The following NR3C1 variants were observed in gnomAD, a reference collection of about 807,000 sequenced individuals.
NR3C1 encodes the protein glucocorticoid receptor.
In NR3C1, 14 loss-of-function variants were observed where a neutral mutation model predicts 74.0. The ratio of observed to expected loss-of-function variants is 0.19; its 90% CI spans 0.12 to 0.30. The LOEUF is 0.30. NR3C1 is among the 10% of genes least tolerant of loss of function. The pLI is 1.00. For missense variants in NR3C1, 695 were observed against 909.8 expected, an observed-to-expected ratio of 0.76 and a Z score of 3.04; for synonymous variants, 308 against 332.5, an observed-to-expected ratio of 0.93 and a Z score of 0.80.
At chr5:143,401,483 T>G (rs1291351104) in intron 1 of NR3C1, 1 of 155,590 alleles carries the variant, frequency 6.4e-6, no homozygotes, top group Non-Finnish European at 1.4e-5. Flanking sequence ...AAAAGGCTTT[T>G]TAACCCATAC....
chr5:143,295,172 T>G, intron 7 of NR3C1: 1 of 985,132 alleles, frequency 1.0e-6, no homozygotes. Context: ...CTTCCCATGA[T>G]CAAAGATCAA....
intron 2 of NR3C1, among the ~76,000 whole-genome samples, chr5:143,321,775 C>A (rs1212028531): frequency 2.0e-5 from 3 of 152,160 alleles, no homozygotes; most frequent in Non-Finnish European, 1.5e-5. Flanking sequence ...GTTTTCCCTG[C>A]CTGAAGTGTC....
intron 2 of NR3C1, among the ~76,000 whole-genome samples, chr5:143,362,254 C>T (rs541078375): frequency 6.6e-6 from 1 of 152,260 alleles, no homozygotes; most frequent in South Asian, 2.1e-4. Flanking sequence ...ACCCAGTCCC[C>T]ATCTATCCCT....
intron 3 of NR3C1, among the ~76,000 whole-genome samples, chr5:143,311,787 C>T (rs1050906194): frequency 7.3e-6 from 1 of 136,176 alleles, no homozygotes; most frequent in Admixed American, 7.3e-5. Flanking sequence ...GCCTGGATAA[C>T]GTTTTTTTTT....
At chr5:143,296,047 G>C (rs1817098291) in intron 6 of NR3C1, among the ~76,000 whole-genome samples, 1 of 152,148 alleles carries the variant, frequency 6.6e-6, no homozygotes, top group African/African-American at 2.4e-5. Context: ...GTTATGCAGA[G>C]GGCGAGACCT....
At chr5:143,317,311 C>T (rs556155740) in intron 2 of NR3C1, among the ~76,000 whole-genome samples, 1 of 152,054 alleles carries the variant, frequency 6.6e-6, no homozygotes, top group Non-Finnish European at 1.5e-5. Context: ...CAAAAGTATA[C>T]CATAGTAAGA....
In NR3C1 at chr5:143,398,356, G is replaced by GTTT. The variant is rs35241746; in HGVS notation, c.1184+1297_1184+1299dup. On this transcript the variant is annotated intron_variant, in intron 2 of 8. Transcript: ENST00000394464. ...GACATGTAAGAACCAAGGTTTTTTG[G>GTTT]TTTTTTTTTTTTTTTTTTTGACAAC... Among the ~76,000 whole-genome samples, 115 of 85,274 alleles carry GTTT rather than the reference G, an allele frequency of 1.3e-3. 3 individuals carry two copies. The highest frequency in any genetic ancestry group is 2.8e-3 in the African/African-American group (77 of 27,450). 55.9% of individuals were successfully genotyped at this position (85,274 alleles called of 152,430 possible). A position where few individuals can be genotyped will look rare whatever the true frequency, so the allele number is the denominator to read the frequency against.
intron 2 of NR3C1, among the ~76,000 whole-genome samples, chr5:143,340,780 CA>C (rs996602721): frequency 6.6e-6 from 1 of 152,004 alleles, no homozygotes; most frequent in African/African-American, 2.4e-5. Flanking sequence ...CACACCCGGC[CA>C]AAAGGCGATA....
At chr5:143,332,740 T>A in intron 2 of NR3C1, 1 of 1,588,726 alleles carries the variant, frequency 6.3e-7, no homozygotes, top group Non-Finnish European at 8.5e-7. Context: ...GCCTTGGAAT[T>A]GCCAGATAAA....
chr5:143,369,576 A>C (rs965614975), intron 2 of NR3C1, among the ~76,000 whole-genome samples: 20 of 152,198 alleles, frequency 1.3e-4, no homozygotes, highest in Non-Finnish European at 1.5e-5. Flanking sequence ...AAAACATGTT[A>C]AGTGAAATAA....
At chr5:143,423,214 A>C (rs932013328) in intron 1 of NR3C1, among the ~76,000 whole-genome samples, 104 of 152,344 alleles carry the variant, frequency 6.8e-4, no homozygotes, top group Non-Finnish European at 1.2e-4. Context: ...AATGGAATAA[A>C]ATATCTGGAA....
chr5:143,313,436 C>T (rs548241830), intron 3 of NR3C1, among the ~76,000 whole-genome samples: 2 of 152,024 alleles, frequency 1.3e-5, no homozygotes, highest in Non-Finnish European at 2.9e-5. Context: ...ATCTCTGTAC[C>T]TTGTCATTGT....
intron 2 of NR3C1, among the ~76,000 whole-genome samples, chr5:143,383,542 T>C (rs1464454949): frequency 6.6e-6 from 1 of 152,230 alleles, no homozygotes; most frequent in Non-Finnish European, 1.5e-5. Context: ...AAGAACTGTG[T>C]GGTCTGTGGC....
chr5:143,332,416 G>A (rs1406133831), intron 2 of NR3C1, among the ~76,000 whole-genome samples: 58 of 151,034 alleles, frequency 3.8e-4, no homozygotes, highest in Admixed American at 2.5e-3. Context: ...GTTGGGTGGG[G>A]GGGCGGGACA....
intron 1 of NR3C1, among the ~76,000 whole-genome samples, chr5:143,420,890 T>A (rs1376915980): frequency 6.6e-6 from 1 of 152,156 alleles, no homozygotes; most frequent in African/African-American, 2.4e-5. Flanking sequence ...CATTTTAACA[T>A]CTCCTTTGAA....
rs1812865707 is a variant in NR3C1 at position 143,280,051 on chromosome 5, C to G, written c.*1838G>C. ...TGGGTCAGAGCCTCAGCAACCTTCA[C>G]TGCACACAGGACCAGTCTCCATCTC... On this transcript the variant is annotated 3_prime_UTR_variant, in exon 9 of 9. Coordinates refer to ENST00000394464, the MANE Select transcript of NR3C1 (RefSeq NM_000176.3). 1 of 152,598 alleles carries G rather than the reference C, an allele frequency of 6.6e-6. No homozygotes were observed. Among genetic ancestry groups the G allele is most frequent in the African/African-American group, 2.4e-5 (1 of 41,450 alleles). The allele number at this position is 152,598 out of a possible 1,614,324, so 9.5% of individuals were successfully genotyped here.
At chr5:143,399,424 C>G (rs1839829318) in intron 2 of NR3C1, among the ~76,000 whole-genome samples, 1 of 152,130 alleles carries the variant, frequency 6.6e-6, no homozygotes, top group Non-Finnish European at 1.5e-5. Context: ...AAAATCCTCA[C>G]CGTTGGCCAA....
At chr5:143,287,230 A>T (rs1814704614) in intron 7 of NR3C1, among the ~76,000 whole-genome samples, 1 of 152,114 alleles carries the variant, frequency 6.6e-6, no homozygotes, top group Non-Finnish European at 1.5e-5. Flanking sequence ...GAAACTAAAA[A>T]TTTCAATGAA....
At chr5:143,392,719 T>G (rs911666598) in intron 2 of NR3C1, among the ~76,000 whole-genome samples, 4 of 152,156 alleles carry the variant, frequency 2.6e-5, no homozygotes, top group African/African-American at 4.8e-5. Flanking sequence ...GTCACATAAT[T>G]GGTGCTTAAT....
Sources: gnomAD v4.1 joint callset for allele counts (sites outside exome capture counted in the v4.1 genomes callset) on GRCh38, gnomAD v4.1.1 for gene constraint, MANE v1.5 for transcripts, NCBI Gene and HGNC (gene_info 2026-07-23, HGNC 2026-07-21) for gene names.